AP3B1: variants seen among roughly 807,000 people sequenced by gnomAD.
AP3B1 encodes the protein AP-3 complex subunit beta-1.
Under a neutral mutation model 132.5 loss-of-function variants are expected in AP3B1, and 61 were observed. That is an observed-to-expected ratio of 0.46 (90% CI 0.37 to 0.57). The LOEUF is 0.57. Among genes scored for constraint, AP3B1 ranks in the 20% least tolerant of loss-of-function variants. AP3B1 has a pLI of 0.00. For missense variants in AP3B1, 1,120 were observed against 1,289.4 expected, an observed-to-expected ratio of 0.87 and a Z score of 2.01; for synonymous variants, 388 against 438.3, an observed-to-expected ratio of 0.89 and a Z score of 1.43.
At chr5:78,100,142 TTCTC>T (rs1751068012) in intron 21 of AP3B1, among the ~76,000 whole-genome samples, 1 of 152,122 alleles carries the variant, frequency 6.6e-6, no homozygotes, top group African/African-American at 2.4e-5. Context: ...ATATTTTAAT[TTCTC>T]TATATTAAGT....
intron 2 of AP3B1, among the ~76,000 whole-genome samples, chr5:78,249,345 C>T (rs1178528821): frequency 1.3e-5 from 2 of 152,052 alleles, no homozygotes; most frequent in African/African-American, 2.4e-5. Flanking sequence ...GCCTGGGCGA[C>T]AAGAGTGAGA....
chr5:78,153,763 C>G (rs188958785), intron 14 of AP3B1, among the ~76,000 whole-genome samples: 28 of 152,258 alleles, frequency 1.8e-4, no homozygotes, highest in Admixed American at 1.4e-3. Flanking sequence ...CTTGCAAATA[C>G]TATCTTATTA....
chr5:78,281,809 G>C (rs1425527561), intron 1 of AP3B1, among the ~76,000 whole-genome samples: 1 of 152,056 alleles, frequency 6.6e-6, no homozygotes, highest in African/African-American at 2.4e-5. Context: ...GTTCTGGAGA[G>C]GGATGGTGGT....
rs533301365 is a variant in AP3B1, at chr5:78,015,726, T to C, written c.2993-178A>G. ...AAAATGCAATTGTTTCGAAGTTTTT[T>C]AAAATCCTCATTGTATAGGAAAATG... On this transcript the variant is annotated intron_variant, in intron 25 of 26. Coordinates refer to ENST00000255194, the MANE Select transcript of AP3B1 (RefSeq NM_003664.5). The C allele has an allele frequency of 3.9e-4, 239 of 614,764 alleles. No individual in the cohort carries two copies. In the African/African-American group the frequency reaches 4.1e-3, roughly 11 times the overall value. 38.1% of individuals were successfully genotyped at this position (614,764 alleles called of 1,614,324 possible). A position where few individuals can be genotyped will look rare whatever the true frequency, so the allele number is the denominator to read the frequency against.
intron 2 of AP3B1, among the ~76,000 whole-genome samples, chr5:78,256,627 T>G (rs1561203531): frequency 6.6e-6 from 1 of 152,180 alleles, no homozygotes; most frequent in South Asian, 2.1e-4. Context: ...CTCAAACTGT[T>G]CTGAAAAACA....
At chr5:78,057,736 TTTAG>T (rs1748877729) in intron 22 of AP3B1, among the ~76,000 whole-genome samples, 2 of 151,404 alleles carry the variant, frequency 1.3e-5, no homozygotes, top group Non-Finnish European at 3.0e-5. Context: ...ATAAATCATA[TTTAG>T]TTAAATATTA....
chr5:78,286,514 G>A (rs770979252), intron 1 of AP3B1, among the ~76,000 whole-genome samples: 7 of 152,174 alleles, frequency 4.6e-5, no homozygotes, highest in Non-Finnish European at 8.8e-5. Flanking sequence ...TAGAAGCAAA[G>A]AGCAGCCCTC....
chr5:78,058,574 T>C (rs1748913287), intron 22 of AP3B1, among the ~76,000 whole-genome samples: 1 of 152,160 alleles, frequency 6.6e-6, no homozygotes, highest in Non-Finnish European at 1.5e-5. Flanking sequence ...GTGTTAAATT[T>C]CCTGACCTGA....
intron 13 of AP3B1, among the ~76,000 whole-genome samples, chr5:78,159,706 G>A (rs1471957404): frequency 6.6e-6 from 1 of 152,126 alleles, no homozygotes; most frequent in African/African-American, 2.4e-5. Flanking sequence ...TTCCACGTAA[G>A]GTAACATATT....
intron 20 of AP3B1, among the ~76,000 whole-genome samples, chr5:78,109,402 A>G (rs1751478369): frequency 6.6e-6 from 1 of 152,130 alleles, no homozygotes; most frequent in Non-Finnish European, 1.5e-5. Context: ...AGAACAAATA[A>G]ACGAAAACAA....
chr5:78,108,541 C>A (rs746944077), intron 20 of AP3B1, among the ~76,000 whole-genome samples: 5 of 152,054 alleles, frequency 3.3e-5, no homozygotes, highest in Non-Finnish European at 7.4e-5. Flanking sequence ...AGAAAATAAG[C>A]CACCTAAGGG....
intron 1 of AP3B1, among the ~76,000 whole-genome samples, chr5:78,287,386 T>C (rs1053185186): frequency 3.3e-5 from 5 of 152,254 alleles, no homozygotes; most frequent in South Asian, 2.1e-4. Context: ...CAAAGCAAAA[T>C]AAGATAAAAG....
intron 20 of AP3B1, among the ~76,000 whole-genome samples, chr5:78,107,448 T>G (rs1751384115): frequency 6.6e-6 from 1 of 152,166 alleles, no homozygotes; most frequent in African/African-American, 2.4e-5. Context: ...CCTCTCTCTC[T>G]CTTTAAATGC....
chr5:78,218,930 T>C (rs1011239582), intron 6 of AP3B1, among the ~76,000 whole-genome samples: 7 of 152,112 alleles, frequency 4.6e-5, no homozygotes, highest in Non-Finnish European at 8.8e-5. Flanking sequence ...GAAAGATCAG[T>C]CATTTATCTT....
At chr5:78,204,149 C>G (rs1745409440) in intron 7 of AP3B1, among the ~76,000 whole-genome samples, 1 of 152,056 alleles carries the variant, frequency 6.6e-6, no homozygotes, top group East Asian at 1.9e-4. Context: ...CATTCCTCAT[C>G]GTTTTCTGCT....
At chr5:78,096,838 GGGGGGC>G (rs1750828192) in intron 21 of AP3B1, among the ~76,000 whole-genome samples, 2 of 150,608 alleles carry the variant, frequency 1.3e-5, no homozygotes, top group African/African-American at 2.5e-5. Flanking sequence ...CGGGAGGGAG[GGGGGGC>G]TCAGCCCCCG....
chr5:78,192,704 G>A (rs1744893994), intron 7 of AP3B1, among the ~76,000 whole-genome samples: 1 of 152,132 alleles, frequency 6.6e-6, no homozygotes, highest in Non-Finnish European at 1.5e-5. Flanking sequence ...ATAGGAGATG[G>A]GGCCTTTGAA....
intron 1 of AP3B1, among the ~76,000 whole-genome samples, chr5:78,280,218 TGAAAA>T (rs1748991940): frequency 6.6e-6 from 1 of 152,066 alleles, no homozygotes; most frequent in Admixed American, 6.6e-5. Flanking sequence ...AAAATTTTCA[TGAAAA>T]GAAAACTGAT....
chr5:78,261,299 C>G (rs181390530), intron 2 of AP3B1, among the ~76,000 whole-genome samples: 20 of 152,330 alleles, frequency 1.3e-4, no homozygotes, highest in Non-Finnish European at 7.4e-5. Flanking sequence ...AATAACCATC[C>G]TAATGGTGTA....
Sources: gnomAD v4.1 joint callset for allele counts (sites outside exome capture counted in the v4.1 genomes callset) on GRCh38, gnomAD v4.1.1 for gene constraint, MANE v1.5 for transcripts, NCBI Gene and HGNC (gene_info 2026-07-23, HGNC 2026-07-21) for gene names.